AFG2A: variants seen among roughly 807,000 people sequenced by gnomAD.
AFG2A encodes the protein ATPase family gene 2 protein homolog A.
chr4:123,143,101 A>G, the AFG2A span, among the ~76,000 whole-genome samples: 133 of 151,912 alleles, frequency 8.8e-4, 1 homozygote, highest in Middle Eastern at 0.02. Flanking sequence ...TACAAAATCC[A>G]AAAAAAATCT....
chr4:123,259,157 G>A, the AFG2A span, among the ~76,000 whole-genome samples: 1 of 152,178 alleles, frequency 6.6e-6, no homozygotes, highest in Non-Finnish European at 1.5e-5. Context: ...ATGAGCCTCT[G>A]TGCCCACCAC....
the AFG2A span, among the ~76,000 whole-genome samples, chr4:123,264,539 A>T: frequency 6.6e-6 from 1 of 152,164 alleles, no homozygotes; most frequent in African/African-American, 2.4e-5. Context: ...GCACCTGTTT[A>T]GTGGCTAAAA....
the AFG2A span, among the ~76,000 whole-genome samples, chr4:123,213,723 T>G: frequency 6.6e-6 from 1 of 152,320 alleles, no homozygotes; most frequent in Non-Finnish European, 1.5e-5. Flanking sequence ...GCTCCATTGT[T>G]GAGGGTTGGT....
At chr4:123,081,082 A>G in the AFG2A span, among the ~76,000 whole-genome samples, 2 of 152,154 alleles carry the variant, frequency 1.3e-5, no homozygotes, top group Non-Finnish European at 2.9e-5. Context: ...ATTTGTTACA[A>G]TCTATAAACC....
the AFG2A span, among the ~76,000 whole-genome samples, chr4:123,271,760 A>T: frequency 6.6e-6 from 1 of 152,194 alleles, no homozygotes; most frequent in South Asian, 2.1e-4. Flanking sequence ...TGTGATGCAC[A>T]TACATTTGAA....
the AFG2A span, among the ~76,000 whole-genome samples, chr4:123,292,688 C>T: frequency 6.6e-6 from 1 of 152,058 alleles, no homozygotes; most frequent in Non-Finnish European, 1.5e-5. Context: ...GGTTGTAGTA[C>T]CAGTGTGCTG....
chr4:123,181,617 A>G, the AFG2A span, among the ~76,000 whole-genome samples: 14 of 151,986 alleles, frequency 9.2e-5, no homozygotes, highest in Non-Finnish European at 1.2e-4. Flanking sequence ...AGAAAATAGT[A>G]ATAATAAATA....
chr4:122,970,735 T>A, the AFG2A span, among the ~76,000 whole-genome samples: 1 of 151,698 alleles, frequency 6.6e-6, no homozygotes, highest in East Asian at 1.9e-4. Flanking sequence ...TGTATAAGTA[T>A]ACTCTATAAT....
the AFG2A span, among the ~76,000 whole-genome samples, chr4:123,169,833 C>T: frequency 2.0e-5 from 3 of 152,212 alleles, no homozygotes; most frequent in South Asian, 4.1e-4. Flanking sequence ...AAGCAGACAT[C>T]TGTAATATAT....
the AFG2A span, among the ~76,000 whole-genome samples, chr4:122,953,000 C>T: frequency 3.3e-5 from 5 of 152,134 alleles, no homozygotes; most frequent in African/African-American, 9.7e-5. Flanking sequence ...CCACATGGGC[C>T]GTACATGGCT....
the AFG2A span, among the ~76,000 whole-genome samples, chr4:123,263,849 C>A: frequency 1.3e-5 from 2 of 152,144 alleles, no homozygotes; most frequent in African/African-American, 4.8e-5. Flanking sequence ...ATCCAGCAAT[C>A]CCACTGCTAG....
chr4:123,143,847 T>TC, the AFG2A span, among the ~76,000 whole-genome samples: 2 of 133,886 alleles, frequency 1.5e-5, no homozygotes, highest in African/African-American at 5.2e-5. Flanking sequence ...TTTTTTTTTT[T>TC]CCTTTAACCT....
chr4:122,949,932 C>T, the AFG2A span, among the ~76,000 whole-genome samples: 1 of 152,224 alleles, frequency 6.6e-6, no homozygotes, highest in Admixed American at 6.5e-5. Context: ...AACCATCGGG[C>T]TGGTTTGCCA....
At chr4:123,235,112 A>G in the AFG2A span, among the ~76,000 whole-genome samples, 15 of 152,300 alleles carry the variant, frequency 9.8e-5, no homozygotes, top group East Asian at 2.9e-3. Context: ...ATAGATGAAT[A>G]AGAGTTTGAC....
At chr4:123,208,192 A>G in the AFG2A span, among the ~76,000 whole-genome samples, 1 of 152,242 alleles carries the variant, frequency 6.6e-6, no homozygotes, top group Admixed American at 6.5e-5. Context: ...CAATGGGGAA[A>G]TAATAGATTC....
the AFG2A span, among the ~76,000 whole-genome samples, chr4:123,157,800 C>G: frequency 6.6e-6 from 1 of 152,020 alleles, no homozygotes; most frequent in Non-Finnish European, 1.5e-5. Flanking sequence ...AAGTAAATAC[C>G]TCCCCCCTCT....
At chr4:123,187,770 A>G in the AFG2A span, among the ~76,000 whole-genome samples, 1 of 152,032 alleles carries the variant, frequency 6.6e-6, no homozygotes, top group Non-Finnish European at 1.5e-5. Context: ...CTGAGGTGGG[A>G]GGATCTCTTG....
chr4:123,189,751 A>G, the AFG2A span, among the ~76,000 whole-genome samples: 1 of 148,560 alleles, frequency 6.7e-6, no homozygotes, highest in East Asian at 2.0e-4. Context: ...TGCATAGATT[A>G]ATTGTACTAG....
chr4:123,255,384 G>C, the AFG2A span, among the ~76,000 whole-genome samples: 1 of 152,044 alleles, frequency 6.6e-6, no homozygotes, highest in African/African-American at 2.4e-5. Flanking sequence ...AGGTGTGGTG[G>C]CATGTGCCTG....
Sources: gnomAD v4.1 joint callset for allele counts (sites outside exome capture counted in the v4.1 genomes callset) on GRCh38, gnomAD v4.1.1 for gene constraint, MANE v1.5 for transcripts, NCBI Gene and HGNC (gene_info 2026-07-23, HGNC 2026-07-21) for gene names.